FOXN4: variants seen among roughly 807,000 people sequenced by gnomAD.
FOXN4 encodes the protein forkhead box N4, also known as forkhead box protein N4.
A neutral mutation model predicts 45.0 loss-of-function variants in FOXN4; 12 were observed. The observed-to-expected ratio is 0.27, with a 90% CI of 0.17 to 0.43. FOXN4 has a LOEUF of 0.43. Among genes scored for constraint, FOXN4 ranks in the 20% least tolerant of loss-of-function variants. The probability of loss-of-function intolerance (pLI) is 1.00; values close to 1 mark genes in which losing one functional copy is unlikely to be tolerated. For synonymous variants in FOXN4, 297 were observed against 295.0 expected, an observed-to-expected ratio of 1.01 and a Z score of -0.07; for missense variants, 560 against 694.9, an observed-to-expected ratio of 0.81 and a Z score of 2.18.
Position 109,308,229 on chromosome 12 carries a change from C to T in FOXN4, c.86+7G>A, listed in dbSNP as rs1377033250. 2.6e-6 allele frequency: 4 copies of T among 1,544,822 alleles called. No homozygotes were observed. Among genetic ancestry groups the T allele is most frequent in the African/African-American group, 1.4e-5 (1 of 72,788 alleles). On this transcript the variant is annotated splice_region_variant and intron_variant, in intron 2 of 9. Coordinates refer to ENST00000299162, the MANE Select transcript of FOXN4 (RefSeq NM_213596.3). ...AATATATAGTTTGTTATTGTTGGAG[C>T]CCTCACCTGTATTCCTGTGGAGAGG...
chr12:109,305,550 G>A (rs547713410), intron 2 of FOXN4, among the ~76,000 whole-genome samples: 2 of 152,118 alleles, frequency 1.3e-5, no homozygotes, highest in South Asian at 4.2e-4. Context: ...GACCAACATG[G>A]CAAAACTCTG....
intron 9 of FOXN4, among the ~76,000 whole-genome samples, chr12:109,280,811 T>C (rs932738753): frequency 2.0e-5 from 3 of 152,222 alleles, no homozygotes; most frequent in Non-Finnish European, 4.4e-5. Flanking sequence ...GAAATTCCCT[T>C]GTTCGTTCAT....
At position 109,291,768 on chromosome 12, in the gene FOXN4, C is replaced by T. The variant is rs1164652336; in HGVS notation, c.87-1482G>A. The stretch of plus-strand genomic sequence containing the variant: ...CTCATAGGGAAACAGGGCCTGGAAA[C>T]GATTTGAAAACGCGGCCGGCCGGCC... On this transcript the variant is annotated intron_variant, in intron 2 of 9. Coordinates refer to ENST00000299162, the MANE Select transcript of FOXN4 (RefSeq NM_213596.3). The surrounding 1 kb of genome is among the most constrained non-coding windows in gnomAD (Gnocchi z 6.6). Among the ~76,000 whole-genome samples the T allele has an allele frequency of 1.3e-5, 2 of 152,054 alleles. No individual in the cohort carries two copies. The highest frequency in any genetic ancestry group is 2.4e-5 in the African/African-American group (1 of 41,412).
intron 8 of FOXN4, among the ~76,000 whole-genome samples, chr12:109,282,276 A>G (rs946468387): frequency 2.0e-5 from 3 of 152,082 alleles, no homozygotes; most frequent in Non-Finnish European, 4.4e-5. Context: ...GTGAGCTACC[A>G]TCTCTACAAA....
intron 8 of FOXN4, among the ~76,000 whole-genome samples, chr12:109,284,938 G>A (rs998548550): frequency 7.0e-6 from 1 of 142,980 alleles, no homozygotes; most frequent in African/African-American, 2.6e-5. Context: ...GCTGCAAGCT[G>A]TCTGGGCCTC....
At position 109,290,763 on chromosome 12, in the gene FOXN4, T is replaced by C. The variant is rs1429792154; in HGVS notation, c.87-477A>G. ...TGACAAGATCAGTCACCTGACTCCA[T>C]GTCCAGGGCAGTTTCCTGCTGTACT... is the stretch of plus-strand genomic sequence containing the variant. On this transcript the variant is annotated intron_variant, in intron 2 of 9. Transcript: ENST00000299162. This position sits in a 1 kb window ranked among gnomAD's most constrained non-coding sequence, Gnocchi z 5.1. Among the ~76,000 whole-genome samples, 4 of 152,298 alleles carry C rather than the reference T, an allele frequency of 2.6e-5. No homozygotes were observed. Among genetic ancestry groups the C allele is most frequent in the African/African-American group, 7.2e-5 (3 of 41,578 alleles).
At chr12:109,286,792 G>A (rs977886100) in intron 6 of FOXN4, 48 bp from the exon 7 acceptor site, 38 of 1,565,772 alleles carry the variant, frequency 2.4e-5, no homozygotes, top group Non-Finnish European at 3.2e-5. Context: ...GACAGGGCAG[G>A]CCAGGCATGA....
In FOXN4 at chr12:109,287,359, C is replaced by T; in HGVS notation, c.596+38G>A. On this transcript the variant is annotated intron_variant, in intron 6 of 9. Coordinates refer to ENST00000299162, the MANE Select transcript of FOXN4 (RefSeq NM_213596.3). This position sits in a 1 kb window ranked among gnomAD's most constrained non-coding sequence, Gnocchi z 4.1. ...GCAGCCTCATCCCTCTCTCCCGGAG[C>T]CGCCCTTGGCCCTGACCCGGCCCAC... The T allele has an allele frequency of 6.4e-7, 1 of 1,550,592 alleles. No individual in the cohort carries two copies.
intron 2 of FOXN4, among the ~76,000 whole-genome samples, chr12:109,304,212 GAAAAGAAAGAGAAA>G (rs2047892188): frequency 1.5e-5 from 1 of 64,922 alleles, no homozygotes; most frequent in South Asian, 4.6e-4. Context: ...AGAAAGAAAA[GAAAAGAAAGAGAAA>G]GAAAGAAAGA....
At position 109,286,759 on chromosome 12, in the gene FOXN4, T is replaced by TGGGGC. The variant is rs745835342; in HGVS notation, c.597-20_597-16dup. The stretch of plus-strand genomic sequence containing the variant: ...CGATCAGACAGCTGGGGGCAGGAGG[T>TGGGGC]GGGGCAGGGCAGGGCAGGGCAGGAC... On this transcript the variant is annotated splice_polypyrimidine_tract_variant and intron_variant, in intron 6 of 9. Coordinates refer to ENST00000299162, the MANE Select transcript of FOXN4 (RefSeq NM_213596.3). 1.2e-5 allele frequency: 19 copies of TGGGGC among 1,598,504 alleles called. No individual in the cohort carries two copies. The African/African-American group carries it at 1.2e-4, about 10-fold the overall frequency.
chr12:109,280,716 C>A (rs1265516833), intron 9 of FOXN4, among the ~76,000 whole-genome samples: 2 of 152,212 alleles, frequency 1.3e-5, no homozygotes, highest in Admixed American at 6.5e-5. Flanking sequence ...GAACTCAGGG[C>A]AGAGGCTGTC....
chr12:109,285,240 C>T, intron 8 of FOXN4, 64 bp downstream of exon 8: 2 of 1,379,130 alleles, frequency 1.5e-6, no homozygotes, highest in South Asian at 1.3e-5. Context: ...GGTCCTTCCT[C>T]TTCCGTGTGT....
rs968358003 is a variant in FOXN4 at position 109,286,899 on chromosome 12, C to T, written c.597-155G>A. 3 of 1,430,988 alleles carry T rather than the reference C, an allele frequency of 2.1e-6. No homozygotes were observed. The African/African-American group carries it at 4.3e-5, about 21-fold the overall frequency. The allele number at this position is 1,430,988 out of a possible 1,614,324, so 88.6% of individuals were successfully genotyped here. A position where few individuals can be genotyped will look rare whatever the true frequency, so the allele number is the denominator to read the frequency against. On this transcript the variant is annotated intron_variant, in intron 6 of 9. Coordinates refer to ENST00000299162, the MANE Select transcript of FOXN4 (RefSeq NM_213596.3). ...ACACAGTGAGCTCTCAATATCTTTT[C>T]ATGGCCCGATGTCTTTCCCACCCTT...
At chr12:109,297,768 G>C (rs1036546194) in intron 2 of FOXN4, among the ~76,000 whole-genome samples, 2 of 152,226 alleles carry the variant, frequency 1.3e-5, no homozygotes, top group Non-Finnish European at 2.9e-5. Flanking sequence ...AAAAGGCTGA[G>C]ACTGCTGCTC....
intron 9 of FOXN4, among the ~76,000 whole-genome samples, chr12:109,280,713 G>A (rs1388280332): frequency 6.6e-6 from 1 of 152,224 alleles, no homozygotes; most frequent in East Asian, 1.9e-4. Flanking sequence ...ACAGAACTCA[G>A]GGCAGAGGCT....
chr12:109,302,501 G>A (rs1305326885), intron 2 of FOXN4, among the ~76,000 whole-genome samples: 4 of 152,202 alleles, frequency 2.6e-5, no homozygotes, highest in African/African-American at 9.7e-5. Context: ...TCATAGCTGT[G>A]TGATTTGGGG....
chr12:109,279,438 A>G lies in FOXN4; in HGVS notation c.*233T>C, dbSNP rs2136904429. The stretch of plus-strand genomic sequence containing the variant: ...CTGGGTTGCTTGTCCACCTTCCTCC[A>G]TTCTTCTGACTTGGAAGAGCCCCCA... On this transcript the variant is annotated 3_prime_UTR_variant, in exon 10 of 10. Coordinates refer to ENST00000299162, the MANE Select transcript of FOXN4 (RefSeq NM_213596.3). 1.6e-6 allele frequency: 1 copy of G among 616,428 alleles called. No homozygotes were observed. Among genetic ancestry groups the G allele is most frequent in the African/African-American group, 1.8e-5 (1 of 54,324 alleles). The allele number at this position is 616,428 out of a possible 1,614,324, so 38.2% of individuals were successfully genotyped here. A position where few individuals can be genotyped will look rare whatever the true frequency, so the allele number is the denominator to read the frequency against.
chr12:109,300,536 G>A (rs1442155996), intron 2 of FOXN4, among the ~76,000 whole-genome samples: 1 of 152,194 alleles, frequency 6.6e-6, no homozygotes, highest in African/African-American at 2.4e-5. Flanking sequence ...CTCAGAGCCT[G>A]GAGCCTCTTC....
intron 8 of FOXN4, among the ~76,000 whole-genome samples, chr12:109,282,116 T>C (rs865914259): frequency 2.6e-5 from 4 of 152,152 alleles, no homozygotes; most frequent in African/African-American, 9.7e-5. Context: ...ACGGTTGTTG[T>C]GGAAATGTAA....
Sources: allele counts gnomAD v4.1 joint callset (sites outside exome capture counted in the v4.1 genomes callset), GRCh38; gene constraint gnomAD v4.1.1; non-coding constraint Gnocchi (gnomAD v3.1); transcripts MANE v1.5; gene names NCBI Gene and HGNC (gene_info 2026-07-23, HGNC 2026-07-21).